The following TRPM6 variants were observed in gnomAD, a reference collection of about 807,000 sequenced individuals.
TRPM6 encodes the protein channel kinase 2.
Under a neutral mutation model 247.6 loss-of-function variants are expected in TRPM6, and 111 were observed. The ratio of observed to expected loss-of-function variants is 0.45; its 90% CI spans 0.38 to 0.52. The LOEUF is 0.52. TRPM6 is among the 20% of genes least tolerant of loss of function. TRPM6 has a pLI of 0.00. For synonymous variants in TRPM6, 892 were observed against 853.8 expected, an observed-to-expected ratio of 1.04 and a Z score of -0.78; for missense variants, 2,126 against 2,421.5, an observed-to-expected ratio of 0.88 and a Z score of 2.56.
At chr9:74,765,619 T>C (rs1203083220) in intron 25 of TRPM6, among the ~76,000 whole-genome samples, 5 of 152,196 alleles carry the variant, frequency 3.3e-5, no homozygotes, top group African/African-American at 4.8e-5. Context: ...GACGTGACCA[T>C]TGCAGAAATG....
intron 31 of TRPM6, among the ~76,000 whole-genome samples, chr9:74,744,457 C>G (rs1339110586): frequency 6.6e-6 from 1 of 152,182 alleles, no homozygotes; most frequent in Non-Finnish European, 1.5e-5. Context: ...AGCTGCCCAT[C>G]ATACTTCACG....
At chr9:74,758,005 AAG>A (rs1735739159) in intron 27 of TRPM6, among the ~76,000 whole-genome samples, 1 of 152,230 alleles carries the variant, frequency 6.6e-6, no homozygotes, top group South Asian at 2.1e-4. Flanking sequence ...AATGAATAAT[AAG>A]AGAAGATTAT....
At position 74,785,901 on chromosome 9, in the gene TRPM6, A is replaced by G; in HGVS notation, c.2892T>C (p.Gly964=). Residue 964 remains glycine (G), a synonymous_variant, in exon 21 of 39, where the codon GGT becomes GGC. Transcript: ENST00000360774. The part of the protein sequence containing the change: ...LDFFAVNQHA[G]PYVTMIAKMT... Reference sequence around the variant, plus strand: ...TTTTTGCAATCATGGTCACATATGGACCTGCATGTTGATTCACAGCAAAGA... The same window carrying G: ...TTTTTGCAATCATGGTCACATATGGGCCTGCATGTTGATTCACAGCAAAGA... 1 of 1,614,220 alleles carries G rather than the reference A, an allele frequency of 6.2e-7. No individual in the cohort carries two copies. The highest frequency in any genetic ancestry group is 1.3e-5 in the African/African-American group (1 of 75,052).
intron 3 of TRPM6, among the ~76,000 whole-genome samples, chr9:74,855,087 G>C (rs1830482966): frequency 6.6e-6 from 1 of 152,180 alleles, no homozygotes; most frequent in African/African-American, 2.4e-5. Context: ...TTACAAAAGA[G>C]AAAGGTAAAA....
intron 1 of TRPM6, among the ~76,000 whole-genome samples, chr9:74,872,219 C>T (rs894751298): frequency 5.9e-5 from 9 of 152,160 alleles, no homozygotes; most frequent in Admixed American, 6.5e-5. Flanking sequence ...CTCCTGGCCT[C>T]AAGCAATCAT....
At chr9:74,759,427 T>C (rs190317410) in intron 27 of TRPM6, among the ~76,000 whole-genome samples, 4 of 152,188 alleles carry the variant, frequency 2.6e-5, no homozygotes, top group Non-Finnish European at 5.9e-5. Context: ...GTGATCTATA[T>C]GGTCAATTAA....
intron 1 of TRPM6, among the ~76,000 whole-genome samples, chr9:74,867,503 C>A (rs1254213947): frequency 1.3e-5 from 2 of 152,194 alleles, no homozygotes; most frequent in Admixed American, 6.5e-5. Flanking sequence ...GATTCTAGAT[C>A]CCCTGTTTAA....
At chr9:74,798,886 G>C (rs1013874914) in intron 17 of TRPM6, among the ~76,000 whole-genome samples, 1 of 152,088 alleles carries the variant, frequency 6.6e-6, no homozygotes, top group East Asian at 1.9e-4. Flanking sequence ...AGTATATGAA[G>C]AACAAGAATT....
intron 3 of TRPM6, among the ~76,000 whole-genome samples, chr9:74,844,315 G>A (rs1160979103): frequency 6.6e-6 from 1 of 152,200 alleles, no homozygotes; most frequent in Non-Finnish European, 1.5e-5. Flanking sequence ...AGCTATGAAA[G>A]TCTCAGATGG....
chr9:74,732,992 G>C (rs1458037054), intron 36 of TRPM6, among the ~76,000 whole-genome samples: 1 of 151,968 alleles, frequency 6.6e-6, no homozygotes, highest in Non-Finnish European at 1.5e-5. Flanking sequence ...TTAAGAGTTC[G>C]AGACCAGCCT....
In TRPM6 at chr9:74,723,029, G is replaced by C. The variant is rs1214881636; in HGVS notation, c.*1584C>G. The C allele has an allele frequency of 6.6e-6, 1 of 152,186 alleles. No homozygotes were observed. Among genetic ancestry groups the C allele is most frequent in the Admixed American group, 6.5e-5 (1 of 15,270 alleles). 9.4% of individuals were successfully genotyped at this position (152,186 alleles called of 1,614,324 possible). On this transcript the variant is annotated 3_prime_UTR_variant, in exon 39 of 39. Coordinates refer to ENST00000360774, the MANE Select transcript of TRPM6 (RefSeq NM_017662.5). The stretch of plus-strand genomic sequence containing the variant: ...TGGAACAGCTTATAATAAGAAAGGA[G>C]ATGCAATAGGATGGGGAGAGGACTC...
intron 37 of TRPM6, among the ~76,000 whole-genome samples, chr9:74,731,667 T>G (rs933088365): frequency 1.3e-5 from 2 of 149,460 alleles, no homozygotes; most frequent in African/African-American, 4.9e-5. Context: ...ATTTCAGATT[T>G]TATTGATTGC....
rs752932000 is a variant in TRPM6 at position 74,801,924 on chromosome 9, G to A, written c.1983C>T (p.Ala661=). ...EAKESHMVDD[A]SEELKNYSKQ... ...TTGAGTAATTCTTCAACTCTTCTGAGGCATCATCCACCATGTGACTCTCCT... is the reference window on the plus strand; with the variant it reads ...TTGAGTAATTCTTCAACTCTTCTGAAGCATCATCCACCATGTGACTCTCCT... The change falls in exon 16 of 39, where the codon GCC becomes GCT. Residue 661 remains alanine, a synonymous_variant. Coordinates refer to ENST00000360774, the MANE Select transcript of TRPM6 (RefSeq NM_017662.5). 4 of 1,614,206 alleles carry A rather than the reference G, an allele frequency of 2.5e-6. No individual in the cohort carries two copies. The highest frequency in any genetic ancestry group is 3.4e-6 in the Non-Finnish European group (4 of 1,180,036).
chr9:74,781,282 T>C (rs1330593409), intron 23 of TRPM6, among the ~76,000 whole-genome samples: 1 of 151,966 alleles, frequency 6.6e-6, no homozygotes, highest in Non-Finnish European at 1.5e-5. Flanking sequence ...ACTCCTATAA[T>C]CCCAGCACTT....
In TRPM6 at chr9:74,801,899, T is replaced by TCAGAA; in HGVS notation, c.2007_2008insTTCTG (p.Lys670PhefsTer2). 6.2e-7 allele frequency: 1 copy of TCAGAA among 1,614,168 alleles called. No individual in the cohort carries two copies. Among genetic ancestry groups the TCAGAA allele is most frequent in the Non-Finnish European group, 8.5e-7 (1 of 1,180,024 alleles). On this transcript the variant is annotated frameshift_variant and splice_region_variant, in exon 16 of 39. Coordinates refer to ENST00000360774, the MANE Select transcript of TRPM6 (RefSeq NM_017662.5). LOFTEE classifies it high-confidence loss of function. ...ATGAAGTGAAGAGAGAACACTTACT[T>TCAGAA]TGAGTAATTCTTCAACTCTTCTGAG... is the stretch of plus-strand genomic sequence containing the variant.
chr9:74,723,305 T>G lies in TRPM6; in HGVS notation c.*1308A>C, dbSNP rs1327070215. Reference sequence around the variant, plus strand: ...AAGCAAACACCTGTGAAACATGTTTTCAGTCTGAAACCGTATCTTTCTTCA... The same window carrying G: ...AAGCAAACACCTGTGAAACATGTTTGCAGTCTGAAACCGTATCTTTCTTCA... On this transcript the variant is annotated 3_prime_UTR_variant, in exon 39 of 39. Transcript: ENST00000360774. 2.0e-5 allele frequency: 3 copies of G among 152,160 alleles called. No individual in the cohort carries two copies. The East Asian group carries it at 5.8e-4, about 29-fold the overall frequency. The allele number at this position is 152,160 out of a possible 1,614,324, so 9.4% of individuals were successfully genotyped here. A position where few individuals can be genotyped will look rare whatever the true frequency, so the allele number is the denominator to read the frequency against.
rs750345449 is a variant in TRPM6 at position 74,752,295 on chromosome 9, G to A, written c.4980C>T (p.Tyr1660=). The change falls in exon 29 of 39, where the codon TAC becomes TAT. Residue 1660 remains tyrosine, a synonymous_variant. Coordinates refer to ENST00000360774, the MANE Select transcript of TRPM6 (RefSeq NM_017662.5). Reference sequence around the variant, plus strand: ...TTTTTACCTCTTGAGACTGCTTTAGGTAATCACTGATTTGTATAGCACATT... The same window carrying A: ...TTTTTACCTCTTGAGACTGCTTTAGATAATCACTGATTTGTATAGCACATT... ...IGQCAIQISD[Y]LKQSQEDLSK... 31 of 1,595,490 alleles carry A rather than the reference G, an allele frequency of 1.9e-5. No homozygotes were observed. In the Middle Eastern group the frequency reaches 5.0e-4, roughly 26 times the overall value.
chr9:74,724,272 C>A lies in TRPM6; in HGVS notation c.*341G>T. The A allele has an allele frequency of 2.9e-6, 1 of 349,702 alleles. No individual in the cohort carries two copies. The highest frequency in any genetic ancestry group is 5.4e-6 in the Non-Finnish European group (1 of 184,950). The allele number at this position is 349,702 out of a possible 1,614,324, so 21.7% of individuals were successfully genotyped here. On this transcript the variant is annotated 3_prime_UTR_variant, in exon 39 of 39. Coordinates refer to ENST00000360774, the MANE Select transcript of TRPM6 (RefSeq NM_017662.5). The stretch of plus-strand genomic sequence containing the variant: ...AGTGAGAAAATAAAATAAATGTATC[C>A]CCCCCAACCCCATCCTTTAATGTGC...
At position 74,762,446 on chromosome 9, in the gene TRPM6, G is replaced by A; in HGVS notation, c.4225C>T (p.Pro1409Ser). 6.2e-7 allele frequency: 1 copy of A among 1,614,174 alleles called. No homozygotes were observed. Among genetic ancestry groups the A allele is most frequent in the Non-Finnish European group, 8.5e-7 (1 of 1,180,040 alleles). The change falls in exon 26 of 39, where the codon CCT (proline) becomes TCT (serine). Residue 1409 changes from proline (P) to serine (S), a missense_variant. By Grantham distance (74) the Pro-to-Ser change is moderately conservative. Coordinates refer to ENST00000360774, the MANE Select transcript of TRPM6 (RefSeq NM_017662.5). The stretch of plus-strand genomic sequence containing the variant: ...TGTCCATCCAGTAAGTGAGCAATAG[G>A]CTCGTGCTTTTCCTTGGGTTCATCC... ...SVDEPKEKHE[P>S]IAHLLDGQDK...
Sources: allele counts gnomAD v4.1 joint callset (sites outside exome capture counted in the v4.1 genomes callset), GRCh38; gene constraint gnomAD v4.1.1; transcripts MANE v1.5; gene names NCBI Gene and HGNC (gene_info 2026-07-23, HGNC 2026-07-21).